Variants in RERE observed in about 807,000 individuals in gnomAD.
RERE encodes arginine-glutamic acid dipeptide repeats, also known as arginine-glutamic acid dipeptide repeats protein.
A neutral mutation model predicts 146.1 loss-of-function variants in RERE; 40 were observed. The observed-to-expected ratio is 0.27, with a 90% CI of 0.21 to 0.36. The LOEUF (loss-of-function observed/expected upper bound fraction) is 0.36, where lower values mean the gene tolerates loss of function less well. Ranked by LOEUF, RERE falls within the 10% of genes least tolerant of loss-of-function variation. RERE has a pLI of 1.00. For missense variants in RERE, 1,933 were observed against 2,138.7 expected (o/e 0.90, Z 1.90); for synonymous variants, 1,003 against 866.0 (o/e 1.16, Z -2.78).
Position 8,364,645 on chromosome 1 carries a change from G to T in RERE, c.1540+101C>A, listed in dbSNP as rs1641727408. On this transcript the variant is annotated intron_variant, in intron 14 of 22. Transcript: ENST00000400908. The surrounding 1 kb of genome is among the most constrained non-coding windows in gnomAD (Gnocchi z 5.1). Reference sequence around the variant, plus strand: ...AAGCACAATGCAAATGTCAAATCAAGTACTGTCCCTGGCAGGTTTCCAGCT... The same window carrying T: ...AAGCACAATGCAAATGTCAAATCAATTACTGTCCCTGGCAGGTTTCCAGCT... 4 of 819,246 alleles carry T rather than the reference G, an allele frequency of 4.9e-6. No homozygotes were observed. The highest frequency in any genetic ancestry group is 4.3e-5 in the South Asian group (3 of 70,264). The allele number at this position is 819,246 out of a possible 1,614,324, so 50.7% of individuals were successfully genotyped here.
chr1:8,732,113 A>G (rs1452912782), intron 1 of RERE, among the ~76,000 whole-genome samples: 2 of 152,186 alleles, frequency 1.3e-5, no homozygotes, highest in Non-Finnish European at 2.9e-5. Context: ...TGAAAAAGCT[A>G]AACATAATCT....
At chr1:8,711,187 A>AAAAAG (rs1639661393) in intron 1 of RERE, among the ~76,000 whole-genome samples, 1 of 138,534 alleles carries the variant, frequency 7.2e-6, no homozygotes. Flanking sequence ...AAAAAAAAAA[A>AAAAAG]GGGAGTGATA....
intron 2 of RERE, among the ~76,000 whole-genome samples, chr1:8,640,007 G>C (rs1647155360): frequency 6.6e-6 from 1 of 152,078 alleles, no homozygotes; most frequent in South Asian, 2.1e-4. Context: ...AAAAAGCACA[G>C]CTAGGCATGG....
At chr1:8,727,597 G>A (rs893113697) in intron 1 of RERE, among the ~76,000 whole-genome samples, 1 of 152,096 alleles carries the variant, frequency 6.6e-6, no homozygotes, top group Non-Finnish European at 1.5e-5. Context: ...GGGTTCAAGC[G>A]ATTCTCCTGC....
At chr1:8,390,865 G>C (rs1243165306) in intron 12 of RERE, among the ~76,000 whole-genome samples, 1 of 152,118 alleles carries the variant, frequency 6.6e-6, no homozygotes, top group Non-Finnish European at 1.5e-5. Flanking sequence ...CCCTGACGCT[G>C]TCCTCTCTGA....
chr1:8,369,839 G>C (rs10864352), intron 12 of RERE, among the ~76,000 whole-genome samples: 67,446 of 151,904 alleles, frequency 0.44, 16,632 homozygotes, highest in East Asian at 0.86. Flanking sequence ...TCCCAGGCTG[G>C]AGTGCAGTGG....
chr1:8,787,346 ACCCTGTCAGT>A (rs2124568490), intron 1 of RERE, among the ~76,000 whole-genome samples: 1 of 152,266 alleles, frequency 6.6e-6, no homozygotes, highest in African/African-American at 2.4e-5. Flanking sequence ...CCATCCGTAC[ACCCTGTCAGT>A]GTCTCTCTCT....
intron 4 of RERE, among the ~76,000 whole-genome samples, chr1:8,561,866 T>C (rs2124434508): frequency 6.6e-6 from 1 of 152,330 alleles, no homozygotes; most frequent in South Asian, 2.1e-4. Context: ...TTGAAGAATT[T>C]TGTTCAAAAT....
intron 4 of RERE, among the ~76,000 whole-genome samples, chr1:8,611,833 T>C (rs1008453894): frequency 2.0e-5 from 3 of 152,202 alleles, no homozygotes. Flanking sequence ...GTGGTTTCTA[T>C]GTAAATCAGC....
intron 4 of RERE, among the ~76,000 whole-genome samples, chr1:8,567,084 C>T (rs375412691): frequency 5.0e-4 from 76 of 152,168 alleles, no homozygotes; most frequent in African/African-American, 1.7e-3. Context: ...GCACCGCACC[C>T]GGCCAGAACT....
At position 8,786,002 on chromosome 1, in the gene RERE, G is replaced by A. The variant is rs546799235; in HGVS notation, c.-145+31158C>T. On this transcript the variant is annotated intron_variant, in intron 1 of 22. Coordinates refer to ENST00000400908, the MANE Select transcript of RERE (RefSeq NM_001042681.2). Reference sequence around the variant, plus strand: ...ATTTTATCAAATTCCAAACCCAACCGCTCTTCATCACCTCCACGACTACCA... The same window carrying A: ...ATTTTATCAAATTCCAAACCCAACCACTCTTCATCACCTCCACGACTACCA... Among the ~76,000 whole-genome samples the A allele has an allele frequency of 2.6e-3, 395 of 151,932 alleles. 4 individuals carry two copies. Among genetic ancestry groups the A allele is most frequent in the African/African-American group, 8.9e-3 (368 of 41,404 alleles).
intron 12 of RERE, among the ~76,000 whole-genome samples, chr1:8,408,766 C>T (rs967507437): frequency 2.0e-5 from 3 of 152,088 alleles, no homozygotes; most frequent in Non-Finnish European, 4.4e-5. Flanking sequence ...TGCACTTTTT[C>T]CTTTTGGTGT....
intron 1 of RERE, among the ~76,000 whole-genome samples, chr1:8,771,126 TG>T (rs1051773386): frequency 6.6e-6 from 1 of 151,570 alleles, no homozygotes; most frequent in South Asian, 2.1e-4. Context: ...ACCCACCTGC[TG>T]GGGGGGGAAA....
intron 10 of RERE, among the ~76,000 whole-genome samples, chr1:8,492,139 G>T (rs1644987215): frequency 6.6e-6 from 1 of 152,126 alleles, no homozygotes; most frequent in African/African-American, 2.4e-5. Context: ...TAAGACACCT[G>T]AGCCATGTCA....
intron 1 of RERE, among the ~76,000 whole-genome samples, chr1:8,706,113 CAAAAAAAAAAAAAAAAAA>C (rs61016240): frequency 2.9e-5 from 2 of 69,190 alleles, no homozygotes; most frequent in Non-Finnish European, 5.2e-5. Context: ...ACTCCGTCTC[CAAAAAAAAAAAAAAAAAA>C]AAAAAAAGAA....
intron 1 of RERE, among the ~76,000 whole-genome samples, chr1:8,764,104 C>G (rs1640804696): frequency 6.6e-6 from 1 of 152,044 alleles, no homozygotes; most frequent in Non-Finnish European, 1.5e-5. Flanking sequence ...TGCTTCTTAT[C>G]AAGATGGTTC....
At chr1:8,402,436 C>T (rs1174921748) in intron 12 of RERE, among the ~76,000 whole-genome samples, 3 of 152,150 alleles carry the variant, frequency 2.0e-5, no homozygotes, top group African/African-American at 4.8e-5. Context: ...ACCCTTACTG[C>T]CCCATTCAAA....
intron 6 of RERE, among the ~76,000 whole-genome samples, chr1:8,545,709 A>C (rs982247703): frequency 6.8e-6 from 1 of 146,880 alleles, no homozygotes; most frequent in Non-Finnish European, 1.5e-5. Context: ...TTTGAGACAG[A>C]GTCTCACTCT....
In RERE at chr1:8,385,335, C is replaced by T. The variant is rs529189969; in HGVS notation, c.1285-19361G>A. On this transcript the variant is annotated intron_variant, in intron 12 of 22. Coordinates refer to ENST00000400908, the MANE Select transcript of RERE (RefSeq NM_001042681.2). ...CCTTCCTCAAGAGTTTCAGACTGCC[C>T]GTTTGTGCTTTGTGCAGCTAGAGGG... Among the ~76,000 whole-genome samples the T allele has an allele frequency of 7.7e-4, 117 of 152,272 alleles. 1 individual carries two copies. The highest frequency in any genetic ancestry group is 2.7e-3 in the African/African-American group (112 of 41,568).
Sources: gnomAD v4.1 joint callset for allele counts (sites outside exome capture counted in the v4.1 genomes callset) on GRCh38, gnomAD v4.1.1 for gene constraint, Gnocchi (gnomAD v3.1) non-coding constraint, MANE v1.5 for transcripts, NCBI Gene and HGNC (gene_info 2026-07-23, HGNC 2026-07-21) for gene names.